Variants in ANKS1B observed in about 807,000 individuals in gnomAD.
ANKS1B encodes ankyrin repeat and sterile alpha motif domain-containing protein 1B.
Under a neutral mutation model 148.3 loss-of-function variants are expected in ANKS1B, and 36 were observed. The ratio of observed to expected loss-of-function variants is 0.24; its 90% CI spans 0.19 to 0.32. ANKS1B has a LOEUF of 0.32. ANKS1B is among the 10% of genes least tolerant of loss of function. ANKS1B has a pLI of 1.00. For synonymous variants in ANKS1B, 542 were observed against 560.8 expected, an observed-to-expected ratio of 0.97 and a Z score of 0.47; for missense variants, 1,157 against 1,542.6, an observed-to-expected ratio of 0.75 and a Z score of 4.19.
intron 12 of ANKS1B, among the ~76,000 whole-genome samples, chr12:99,335,209 T>C (rs1359003294): frequency 6.6e-6 from 1 of 152,044 alleles, no homozygotes; most frequent in African/African-American, 2.4e-5. Context: ...ATTTTTTTCA[T>C]TTTTAATTTT....
chr12:99,020,182 C>T (rs1250967817), intron 17 of ANKS1B, among the ~76,000 whole-genome samples: 1 of 152,028 alleles, frequency 6.6e-6, no homozygotes, highest in African/African-American at 2.4e-5. Flanking sequence ...CAACCATCAC[C>T]ATCATCCATC....
chr12:99,950,113 A>ATTTTTTTTTTT lies in ANKS1B; in HGVS notation c.134+33980_134+33990dup, dbSNP rs35287842. Among the ~76,000 whole-genome samples the ATTTTTTTTTTT allele has an allele frequency of 1.2e-3, 106 of 90,536 alleles. 6 individuals are homozygous for ATTTTTTTTTTT. The highest frequency in any genetic ancestry group is 5.2e-3 in the African/African-American group (104 of 20,106). The allele number at this position is 90,536 out of a possible 152,430, so 59.4% of individuals were successfully genotyped here. On this transcript the variant is annotated intron_variant, in intron 1 of 26. Transcript: ENST00000683438. ...AGGTGCACGCCATCATGCTCAGTTA[A>ATTTTTTTTTTT]TTTTTTTTTTTTTTTTTTTTTTTTT... is the stretch of plus-strand genomic sequence containing the variant.
intron 9 of ANKS1B, among the ~76,000 whole-genome samples, chr12:99,558,409 G>T (rs909908611): frequency 1.3e-5 from 2 of 152,142 alleles, no homozygotes; most frequent in Non-Finnish European, 2.9e-5. Context: ...TGGGATGGGA[G>T]GCAAGGTCTA....
chr12:98,962,481 T>C (rs899539665), intron 17 of ANKS1B, among the ~76,000 whole-genome samples: 3 of 151,678 alleles, frequency 2.0e-5, no homozygotes, highest in Non-Finnish European at 2.9e-5. Flanking sequence ...AAGAGAAAGA[T>C]AGACCTGAAT....
At chr12:99,771,501 T>G (rs2063190363) in intron 8 of ANKS1B, among the ~76,000 whole-genome samples, 1 of 152,048 alleles carries the variant, frequency 6.6e-6, no homozygotes. Context: ...CACAAATATG[T>G]TTTAAGTTCT....
At chr12:99,084,714 T>C (rs1244873856) in intron 16 of ANKS1B, among the ~76,000 whole-genome samples, 1 of 152,110 alleles carries the variant, frequency 6.6e-6, no homozygotes, top group East Asian at 1.9e-4. Context: ...AGAGACCTTG[T>C]CTCAAAACAA....
intron 16 of ANKS1B, among the ~76,000 whole-genome samples, chr12:99,059,959 G>A (rs1051881596): frequency 1.3e-5 from 2 of 152,138 alleles, no homozygotes; most frequent in Non-Finnish European, 2.9e-5. Flanking sequence ...GGGCTAGGAA[G>A]TGACAGCTCC....
At chr12:99,710,124 A>G (rs1214513010) in intron 8 of ANKS1B, among the ~76,000 whole-genome samples, 1 of 152,214 alleles carries the variant, frequency 6.6e-6, no homozygotes, top group Non-Finnish European at 1.5e-5. Context: ...ATGCCACTAT[A>G]GAAATGACTG....
At chr12:99,836,907 G>T (rs1349683567) in intron 1 of ANKS1B, among the ~76,000 whole-genome samples, 1 of 152,076 alleles carries the variant, frequency 6.6e-6, no homozygotes, top group African/African-American at 2.4e-5. Flanking sequence ...TAATTCCAGG[G>T]TACTATGGTA....
chr12:99,984,181 C>T lies in ANKS1B; in HGVS notation c.57G>A (p.Val19=). The change falls in exon 1 of 27, where the codon GTG becomes GTA. Residue 19 remains valine (V), a synonymous_variant. Transcript: ENST00000683438. ...CTTTCCTGCCAGACAGGAGTTTCTC[C>T]ACCAGAGCCACATTTCCAGTGCGAG... is the stretch of plus-strand genomic sequence containing the variant. ...EAARTGNVAL[V]EKLLSGRKGG... is the part of the protein sequence containing the mutation. The T allele has an allele frequency of 6.2e-7, 1 of 1,613,930 alleles. No individual in the cohort carries two copies. The highest frequency in any genetic ancestry group is 1.1e-5 in the South Asian group (1 of 91,076).
At chr12:99,707,846 G>C (rs2056059287) in intron 8 of ANKS1B, among the ~76,000 whole-genome samples, 1 of 152,066 alleles carries the variant, frequency 6.6e-6, no homozygotes, top group African/African-American at 2.4e-5. Flanking sequence ...AAAAAGTGTG[G>C]TTATTTGTTA....
intron 14 of ANKS1B, among the ~76,000 whole-genome samples, chr12:99,217,639 T>A (rs570849009): frequency 3.4e-4 from 52 of 152,228 alleles, no homozygotes; most frequent in Non-Finnish European, 6.9e-4. Context: ...GTCCCTTTTC[T>A]CAATCTCTTT....
intron 15 of ANKS1B, among the ~76,000 whole-genome samples, chr12:99,135,885 G>T (rs920935370): frequency 6.6e-6 from 1 of 152,148 alleles, no homozygotes; most frequent in African/African-American, 2.4e-5. Context: ...AACAGGTCCA[G>T]CTTCGGACAG....
intron 1 of ANKS1B, among the ~76,000 whole-genome samples, chr12:99,962,914 C>T (rs1222652400): frequency 5.3e-5 from 8 of 151,608 alleles, no homozygotes; most frequent in African/African-American, 7.3e-5. Context: ...CCCGGGCTCA[C>T]GCCATTCTCC....
chr12:99,931,368 A>T lies in ANKS1B; in HGVS notation c.134+52736T>A, dbSNP rs1603464855. Among the ~76,000 whole-genome samples the T allele has an allele frequency of 2.6e-5, 4 of 152,110 alleles. 1 individual carries two copies. The East Asian group carries it at 7.7e-4, about 29-fold the overall frequency. The stretch of plus-strand genomic sequence containing the variant: ...ATAATAAAATTTAAAAAAAAAGAGA[A>T]TGACAGAGGGATTACCAAAACAGAA... On this transcript the variant is annotated intron_variant, in intron 1 of 26. Transcript: ENST00000683438.
At chr12:99,636,482 T>C (rs976875888) in intron 9 of ANKS1B, among the ~76,000 whole-genome samples, 19 of 152,130 alleles carry the variant, frequency 1.2e-4, no homozygotes, top group Admixed American at 9.8e-4. Context: ...ACATAGATTT[T>C]CTCCATAAGC....
intron 17 of ANKS1B, among the ~76,000 whole-genome samples, chr12:98,844,968 ATGTCTT>A (rs2099441459): frequency 6.6e-6 from 1 of 152,220 alleles, no homozygotes; most frequent in African/African-American, 2.4e-5. Context: ...GATAAATATA[ATGTCTT>A]ACATTAAGGA....
At chr12:99,523,664 C>T (rs2096898383) in intron 9 of ANKS1B, among the ~76,000 whole-genome samples, 1 of 151,654 alleles carries the variant, frequency 6.6e-6, no homozygotes, top group Non-Finnish European at 1.5e-5. Flanking sequence ...CACAATTCTC[C>T]TGCCTCAGCC....
intron 14 of ANKS1B, among the ~76,000 whole-genome samples, chr12:99,203,742 C>T (rs577093497): frequency 2.0e-5 from 3 of 152,322 alleles, no homozygotes; most frequent in South Asian, 4.1e-4. Context: ...TGAGCCACTG[C>T]ACCCGGCCAA....
Sources: allele counts gnomAD v4.1 joint callset (sites outside exome capture counted in the v4.1 genomes callset), GRCh38; gene constraint gnomAD v4.1.1; transcripts MANE v1.5; gene names NCBI Gene and HGNC (gene_info 2026-07-23, HGNC 2026-07-21).